The following PEAK1 variants were observed in gnomAD, a reference collection of about 807,000 sequenced individuals.
PEAK1 encodes the protein pseudopodium enriched atypical kinase 1.
PEAK1 carries 54 observed loss-of-function variants against 124.7 expected under a neutral mutation model. The ratio of observed to expected loss-of-function variants is 0.43; its 90% CI spans 0.35 to 0.54. The LOEUF (loss-of-function observed/expected upper bound fraction) is 0.54, where lower values mean the gene tolerates loss of function less well. Among genes scored for constraint, PEAK1 ranks in the 20% least tolerant of loss-of-function variants. PEAK1 has a pLI of 0.01. For synonymous variants in PEAK1, 719 were observed against 760.0 expected (o/e 0.95, Z 0.89); for missense variants, 2,046 against 2,134.5 (o/e 0.96, Z 0.82).
intron 1 of PEAK1, among the ~76,000 whole-genome samples, chr15:77,382,542 T>C (rs1018994829): frequency 9.2e-5 from 14 of 152,152 alleles, no homozygotes; most frequent in Admixed American, 8.5e-4. Flanking sequence ...CCACACCAAA[T>C]CTGCATTAGG....
intron 6 of PEAK1, among the ~76,000 whole-genome samples, chr15:77,186,815 T>C (rs1378570719): frequency 4.1e-4 from 62 of 152,156 alleles, no homozygotes; most frequent in Non-Finnish European, 5.9e-5. Flanking sequence ...AACAGTCTCA[T>C]AGAGGGGGAA....
intron 6 of PEAK1, among the ~76,000 whole-genome samples, chr15:77,215,246 G>T (rs1369312330): frequency 6.6e-6 from 1 of 152,128 alleles, no homozygotes; most frequent in Non-Finnish European, 1.5e-5. Context: ...AATTGGGTTT[G>T]CTTACTGAGT....
intron 1 of PEAK1, among the ~76,000 whole-genome samples, chr15:77,377,992 C>T (rs933389684): frequency 1.3e-5 from 2 of 152,078 alleles, no homozygotes; most frequent in Non-Finnish European, 2.9e-5. Flanking sequence ...GGTATATTTT[C>T]TTCCAGTGCA....
chr15:77,203,273 T>C (rs1025584723), intron 6 of PEAK1, among the ~76,000 whole-genome samples: 2 of 151,994 alleles, frequency 1.3e-5, no homozygotes, highest in African/African-American at 4.8e-5. Context: ...AAAATCTGCA[T>C]GTAAGTGGAC....
At chr15:77,247,096 T>G (rs2060623891) in intron 6 of PEAK1, among the ~76,000 whole-genome samples, 1 of 152,230 alleles carries the variant, frequency 6.6e-6, no homozygotes, top group African/African-American at 2.4e-5. Flanking sequence ...ATTCACCACT[T>G]ATCATTAGTT....
At chr15:77,235,004 C>T (rs550047764) in intron 6 of PEAK1, among the ~76,000 whole-genome samples, 1 of 152,052 alleles carries the variant, frequency 6.6e-6, no homozygotes, top group African/African-American at 2.4e-5. Context: ...CCCTTGCTTG[C>T]ACTTCCTCTC....
At chr15:77,374,132 G>C (rs1164389060) in intron 1 of PEAK1, among the ~76,000 whole-genome samples, 1 of 152,148 alleles carries the variant, frequency 6.6e-6, no homozygotes, top group East Asian at 1.9e-4. Flanking sequence ...CACAAACAGT[G>C]ATCATTAAAC....
At chr15:77,101,502 A>G (rs1250481089) in exon 7 of PEAK1, 1 of 152,252 alleles carries the variant, frequency 6.6e-6, no homozygotes, top group Non-Finnish European at 1.5e-5. Context: ...ATTGCCTGGC[A>G]GTGGACTAAA....
Position 77,276,088 on chromosome 15 carries a change from C to T in PEAK1, c.-275+7795G>A, listed in dbSNP as rs548055430. Among the ~76,000 whole-genome samples, 25 of 152,012 alleles carry T rather than the reference C, an allele frequency of 1.6e-4. 1 individual carries two copies. Among genetic ancestry groups the T allele is most frequent in the Non-Finnish European group, 3.2e-4 (22 of 67,922 alleles). On this transcript the variant is annotated intron_variant, in intron 5 of 9. Coordinates refer to ENST00000682557, the MANE Select transcript of PEAK1 (RefSeq NM_001385026.1). ...GAAGAAAACAAACTAAAAAAACAAA[C>T]AGAACTTTGGTGACTCGTGAAACTA...
Position 77,111,431 on chromosome 15 carries a change from A to G in PEAK1, c.*2725T>C, listed in dbSNP as rs937954248. On this transcript the variant is annotated 3_prime_UTR_variant, in exon 10 of 10. Coordinates refer to ENST00000682557, the MANE Select transcript of PEAK1 (RefSeq NM_001385026.1). The stretch of plus-strand genomic sequence containing the variant: ...GCCTAGAAATATAGTTTCTTTCTCT[A>G]TTCTGCTCTAACCTGTAACACCCCC... The G allele has an allele frequency of 1.3e-5, 2 of 152,214 alleles. No individual in the cohort carries two copies. Among genetic ancestry groups the G allele is most frequent in the Admixed American group, 1.3e-4 (2 of 15,286 alleles). The allele number at this position is 152,214 out of a possible 1,614,324, so 9.4% of individuals were successfully genotyped here.
rs773362661 is a variant in PEAK1 at position 77,133,949 on chromosome 15, G to A, written c.3332-199C>T. ...GAAGTATCCAAGCCTTGGTGGGAACGACAAATATGCATAATGTCTTGGCCT... is the reference window on the plus strand; with the variant it reads ...GAAGTATCCAAGCCTTGGTGGGAACAACAAATATGCATAATGTCTTGGCCT... On this transcript the variant is annotated intron_variant, in intron 8 of 9. Coordinates refer to ENST00000682557, the MANE Select transcript of PEAK1 (RefSeq NM_001385026.1). The surrounding 1 kb of genome is among the most constrained non-coding windows in gnomAD (Gnocchi z 4.2). Among the ~76,000 whole-genome samples, 18 of 152,240 alleles carry A rather than the reference G, an allele frequency of 1.2e-4. No individual in the cohort carries two copies. The highest frequency in any genetic ancestry group is 3.1e-4 in the African/African-American group (13 of 41,524).
chr15:77,410,526 C>A (rs1335320335), intron 1 of PEAK1, among the ~76,000 whole-genome samples: 1 of 152,150 alleles, frequency 6.6e-6, no homozygotes, highest in African/African-American at 2.4e-5. Flanking sequence ...CTGACTTAAA[C>A]AATGAAAATT....
At chr15:77,417,467 G>C in intron 1 of PEAK1, 1 of 774,306 alleles carries the variant, frequency 1.3e-6, no homozygotes, top group Non-Finnish European at 1.6e-6. Context: ...GGCGGGGGGG[G>C]AGGGGGGCAA....
intron 6 of PEAK1, among the ~76,000 whole-genome samples, chr15:77,226,055 ATAT>A (rs1339159561): frequency 2.4e-4 from 6 of 24,594 alleles, no homozygotes; most frequent in Admixed American, 1.7e-3. Context: ...ATATATATAT[ATAT>A]ATATATATAT....
In PEAK1 at chr15:77,203,806, A is replaced by G. The variant is rs186186440; in HGVS notation, c.-114-21766T>C. ...CCTCAATGTAAAACATAAAACAATAAAACTCCTAAATGATAACATAGGAGA... is the reference window on the plus strand; with the variant it reads ...CCTCAATGTAAAACATAAAACAATAGAACTCCTAAATGATAACATAGGAGA... On this transcript the variant is annotated intron_variant, in intron 6 of 9. Coordinates refer to ENST00000682557, the MANE Select transcript of PEAK1 (RefSeq NM_001385026.1). 7.3e-3 allele frequency among the ~76,000 whole-genome samples: 1,111 copies of G among 152,332 alleles called. 16 individuals carry two copies. Among genetic ancestry groups the G allele is most frequent in the African/African-American group, 0.025 (1,055 of 41,568 alleles).
chr15:77,210,509 AC>A (rs1238143703), intron 6 of PEAK1, among the ~76,000 whole-genome samples: 2 of 152,254 alleles, frequency 1.3e-5, no homozygotes, highest in African/African-American at 4.8e-5. Flanking sequence ...TGTCTTTTAA[AC>A]CAGAAAACTT....
chr15:77,191,152 C>G (rs1370916063), intron 6 of PEAK1, among the ~76,000 whole-genome samples: 1 of 152,076 alleles, frequency 6.6e-6, no homozygotes, highest in Non-Finnish European at 1.5e-5. Flanking sequence ...TCTCTTATGT[C>G]AGGTAAGCAT....
At chr15:77,136,453 G>T (rs2053335922) in intron 8 of PEAK1, among the ~76,000 whole-genome samples, 1 of 152,064 alleles carries the variant, frequency 6.6e-6, no homozygotes, top group Non-Finnish European at 1.5e-5. Flanking sequence ...ATCACTTGAG[G>T]TCAGGAGTTT....
intron 2 of PEAK1, chr15:77,348,917 T>C: frequency 3.2e-6 from 3 of 947,532 alleles, no homozygotes; most frequent in African/African-American, 1.8e-5. Flanking sequence ...GCTGGGATTA[T>C]AGGCATGACT....
Sources: gnomAD v4.1 joint callset for allele counts (sites outside exome capture counted in the v4.1 genomes callset) on GRCh38, gnomAD v4.1.1 for gene constraint, Gnocchi (gnomAD v3.1) non-coding constraint, MANE v1.5 for transcripts, NCBI Gene and HGNC (gene_info 2026-07-23, HGNC 2026-07-21) for gene names.